CPXM2: variants seen among roughly 807,000 people sequenced by gnomAD.
The protein encoded by CPXM2 is carboxypeptidase X, M14 family member 2.
In CPXM2, 66 loss-of-function variants were observed where a neutral mutation model predicts 86.1. That is an observed-to-expected ratio of 0.77 (90% CI 0.63 to 0.94). The LOEUF (loss-of-function observed/expected upper bound fraction) is 0.94. Ranked by LOEUF, CPXM2 falls within the 40% of genes least tolerant of loss-of-function variation. The pLI is 0.00. For synonymous variants in CPXM2, 388 were observed against 400.2 expected, an observed-to-expected ratio of 0.97 and a Z score of 0.36; for missense variants, 948 against 1,026.3, an observed-to-expected ratio of 0.92 and a Z score of 1.04.
intron 2 of CPXM2, among the ~76,000 whole-genome samples, chr10:123,866,371 C>T (rs1463619573): frequency 4.0e-5 from 6 of 149,700 alleles, no homozygotes. Context: ...CGAGACCAGC[C>T]TGGCCGATAT....
At chr10:123,864,109 C>T (rs773172426) in intron 2 of CPXM2, among the ~76,000 whole-genome samples, 12 of 152,162 alleles carry the variant, frequency 7.9e-5, no homozygotes, top group Admixed American at 6.5e-5. Context: ...CCTGCTGTGC[C>T]CCATTCTCAT....
chr10:123,841,424 T>G (rs1848383083), intron 4 of CPXM2, among the ~76,000 whole-genome samples: 1 of 152,240 alleles, frequency 6.6e-6, no homozygotes, highest in South Asian at 2.1e-4. Context: ...TGGTATTAAG[T>G]TCATTCACAT....
intron 6 of CPXM2, among the ~76,000 whole-genome samples, chr10:123,785,252 T>C (rs1847025091): frequency 6.6e-6 from 1 of 152,242 alleles, no homozygotes; most frequent in African/African-American, 2.4e-5. Flanking sequence ...TCCTACAGGT[T>C]TGGAAGAAAT....
chr10:123,846,796 C>T (rs1017027591), intron 3 of CPXM2, among the ~76,000 whole-genome samples: 6 of 152,054 alleles, frequency 3.9e-5, no homozygotes, highest in Non-Finnish European at 5.9e-5. Flanking sequence ...CTAACAGAAA[C>T]GTAAAACACA....
intron 2 of CPXM2, among the ~76,000 whole-genome samples, chr10:123,871,489 C>T (rs190291744): frequency 6.6e-6 from 1 of 152,338 alleles, no homozygotes; most frequent in Non-Finnish European, 1.5e-5. Flanking sequence ...CCCTCAAGCA[C>T]TTGCCTATTA....
At chr10:123,910,767 TTC>T (rs1945481225) in intron 2 of CPXM2, among the ~76,000 whole-genome samples, 1 of 152,174 alleles carries the variant, frequency 6.6e-6, no homozygotes, top group Non-Finnish European at 1.5e-5. Flanking sequence ...CACAAATTTA[TTC>T]TCTCACGGTC....
chr10:123,791,530 T>C (rs546279170), intron 6 of CPXM2, among the ~76,000 whole-genome samples: 2 of 152,340 alleles, frequency 1.3e-5, no homozygotes, highest in East Asian at 1.9e-4. Context: ...CTGCAACCCT[T>C]GGCTTGTAGC....
At chr10:123,772,937 CACCTCCCTGGTTGTGGTTCTT>C (rs1443816170) in intron 7 of CPXM2, among the ~76,000 whole-genome samples, 144 of 151,192 alleles carry the variant, frequency 9.5e-4, no homozygotes, top group African/African-American at 3.5e-3. Flanking sequence ...TTGTGGTTCT[CACCTCCCTGGTTGTGGTTCTT>C]ACCTCTCTTG....
chr10:123,921,507 G>C (rs1383765219), intron 2 of CPXM2, among the ~76,000 whole-genome samples: 1 of 152,228 alleles, frequency 6.6e-6, no homozygotes, highest in East Asian at 1.9e-4. Flanking sequence ...GGCAGCAGCA[G>C]ATTTTAATGC....
intron 2 of CPXM2, among the ~76,000 whole-genome samples, chr10:123,897,555 A>G (rs1011906967): frequency 2.0e-5 from 3 of 152,054 alleles, no homozygotes; most frequent in African/African-American, 7.2e-5. Flanking sequence ...GGAGTGGCAT[A>G]GTGTGTCAGG....
chr10:123,891,547 T>G lies in CPXM2; in HGVS notation c.113A>C (p.Gln38Pro). 6.5e-7 allele frequency: 1 copy of G among 1,548,330 alleles called. No homozygotes were observed. Among genetic ancestry groups the G allele is most frequent in the Non-Finnish European group, 8.7e-7 (1 of 1,145,596 alleles). ...GTAGGGCTCCCGGCTCCAGATCTCC[T>G]GCCCGTAATAATCAGGGTCCTCGAG... ...AALEDPDYYGQEIWSREPYYA... is the reference protein window; with the variant it reads ...AALEDPDYYGPEIWSREPYYA... Residue 38 changes from glutamine (Q) to proline (P), a missense_variant, in exon 1 of 14, where the codon CAG becomes CCG. Transcript: ENST00000241305. The surrounding 1 kb of genome is among the most constrained non-coding windows in gnomAD (Gnocchi z 5.6).
chr10:123,915,897 C>T (rs757048522), intron 2 of CPXM2, among the ~76,000 whole-genome samples: 3 of 152,160 alleles, frequency 2.0e-5, no homozygotes, highest in East Asian at 1.9e-4. Context: ...ATACTCCTGA[C>T]GTTGGCCAGC....
intron 6 of CPXM2, among the ~76,000 whole-genome samples, chr10:123,789,680 G>A (rs1196240640): frequency 1.3e-5 from 2 of 152,240 alleles, no homozygotes; most frequent in African/African-American, 4.8e-5. Context: ...GCAATGTGCA[G>A]ATGGAGCAAC....
chr10:123,863,248 G>A (rs1037613974), intron 2 of CPXM2, among the ~76,000 whole-genome samples: 3 of 152,186 alleles, frequency 2.0e-5, no homozygotes, highest in African/African-American at 4.8e-5. Context: ...CCGTAAGAAT[G>A]ACAATGCTTA....
At chr10:123,836,767 T>C (rs575453442) in intron 4 of CPXM2, among the ~76,000 whole-genome samples, 1 of 152,248 alleles carries the variant, frequency 6.6e-6, no homozygotes, top group South Asian at 2.1e-4. Flanking sequence ...CCACCTTAAC[T>C]ATATCAGGGT....
Position 123,919,260 on chromosome 10 carries a change from G to C in CPXM2, n.174+20217C>G, listed in dbSNP as rs184462988. ...CTCCGGCCCACAAAAGATGCACAGG[G>C]ACTTGTGGTCCATTCCTAACCAGCT... On this transcript the variant is annotated intron_variant and non_coding_transcript_variant, in intron 2 of 19. Coordinates refer to the CPXM2 transcript ENST00000368854. Among the ~76,000 whole-genome samples, 10 of 152,280 alleles carry C rather than the reference G, an allele frequency of 6.6e-5. No individual in the cohort carries two copies. In the East Asian group the frequency reaches 1.9e-3, roughly 29 times the overall value.
In CPXM2 at chr10:123,841,888, C is replaced by A. The variant is rs533144051; in HGVS notation, c.653+461G>T. ...CAAGCTCTGTCATCCTTGACTTTCA[C>A]TACTTCTCTCGTGATCCTCCATTTA... On this transcript the variant is annotated intron_variant, in intron 4 of 13. Coordinates refer to ENST00000241305, the MANE Select transcript of CPXM2 (RefSeq NM_198148.3). 2.6e-5 allele frequency among the ~76,000 whole-genome samples: 4 copies of A among 152,340 alleles called. No homozygotes were observed. In the South Asian group the frequency reaches 8.3e-4, roughly 32 times the overall value.
chr10:123,923,708 T>A (rs1945598144), intron 2 of CPXM2, among the ~76,000 whole-genome samples: 1 of 152,244 alleles, frequency 6.6e-6, no homozygotes, highest in Non-Finnish European at 1.5e-5. Context: ...TATTCCCTCA[T>A]GCTGTGGGAA....
upstream of CPXM2, among the ~76,000 whole-genome samples, chr10:123,942,257 G>A (rs904819356): frequency 1.3e-5 from 2 of 152,156 alleles, no homozygotes; most frequent in African/African-American, 2.4e-5. Flanking sequence ...GAACCACAGT[G>A]ACTCCATCTT....
Sources: allele counts gnomAD v4.1 joint callset (sites outside exome capture counted in the v4.1 genomes callset), GRCh38; gene constraint gnomAD v4.1.1; non-coding constraint Gnocchi (gnomAD v3.1); transcripts MANE v1.5; gene names NCBI Gene and HGNC (gene_info 2026-07-23, HGNC 2026-07-21).